The following HYCC1 variants were observed in gnomAD, a reference collection of about 807,000 sequenced individuals.
The protein encoded by HYCC1 is hyccin.
chr7:22,899,885 C>T, the HYCC1 span, among the ~76,000 whole-genome samples: 1 of 151,640 alleles, frequency 6.6e-6, no homozygotes, highest in Non-Finnish European at 1.5e-5. Flanking sequence ...TTATGGTTGT[C>T]TCCTTTACAG....
the HYCC1 span, among the ~76,000 whole-genome samples, chr7:22,923,995 GAA>G: frequency 0.15 from 17,021 of 114,470 alleles, 1,107 homozygotes; most frequent in South Asian, 0.19. Context: ...TGACTTTAAT[GAA>G]AAAAAAAAAA....
At chr7:22,914,848 A>C in the HYCC1 span, among the ~76,000 whole-genome samples, 1 of 151,806 alleles carries the variant, frequency 6.6e-6, no homozygotes, top group Non-Finnish European at 1.5e-5. Context: ...CTACTCTATA[A>C]TCCTTCTATC....
the HYCC1 span, chr7:22,935,830 G>C: frequency 1.3e-5 from 2 of 151,346 alleles, no homozygotes; most frequent in African/African-American, 4.9e-5. Flanking sequence ...TGTATTTTTA[G>C]TAGAGACGGG....
At chr7:22,903,651 G>A in the HYCC1 span, among the ~76,000 whole-genome samples, 6 of 152,252 alleles carry the variant, frequency 3.9e-5, no homozygotes, top group African/African-American at 1.4e-4. Flanking sequence ...AAATAATACT[G>A]ATCTCATGTA....
chr7:22,972,976 T>C, the HYCC1 span, among the ~76,000 whole-genome samples: 371 of 152,330 alleles, frequency 2.4e-3, 1 homozygote, highest in Non-Finnish European at 3.3e-3. Context: ...TGTCACTGAA[T>C]CTAGTTCATC....
At chr7:23,005,746 C>T in the HYCC1 span, among the ~76,000 whole-genome samples, 483 of 152,292 alleles carry the variant, frequency 3.2e-3, 3 homozygotes, top group African/African-American at 0.011. Flanking sequence ...CTTTCTGAAA[C>T]TCTACTTCTT....
chr7:22,945,898 C>T, the HYCC1 span: 1 of 1,613,824 alleles, frequency 6.2e-7, no homozygotes, highest in Non-Finnish European at 8.5e-7. Context: ...AAGAGAGAAG[C>T]TCAAGATTCT....
chr7:22,999,668 T>C, the HYCC1 span, among the ~76,000 whole-genome samples: 1 of 152,200 alleles, frequency 6.6e-6, no homozygotes, highest in Non-Finnish European at 1.5e-5. Flanking sequence ...GGAGGTCGTA[T>C]ATGCAAAAAG....
At chr7:22,953,409 T>C in the HYCC1 span, among the ~76,000 whole-genome samples, 1 of 151,936 alleles carries the variant, frequency 6.6e-6, no homozygotes, top group East Asian at 1.9e-4. Context: ...AAGTCCCCCT[T>C]AGTAAAAATG....
chr7:22,956,885 T>C, the HYCC1 span, among the ~76,000 whole-genome samples: 14 of 151,918 alleles, frequency 9.2e-5, no homozygotes, highest in African/African-American at 2.9e-4. Flanking sequence ...TGGCCAGAGA[T>C]GCGTATTCTG....
At chr7:22,987,313 C>A in the HYCC1 span, among the ~76,000 whole-genome samples, 1 of 152,172 alleles carries the variant, frequency 6.6e-6, no homozygotes, top group African/African-American at 2.4e-5. Context: ...TTTGGGAGGC[C>A]AAGGCAAGCG....
At chr7:22,983,911 A>T in the HYCC1 span, 1 of 1,222,220 alleles carries the variant, frequency 8.2e-7, no homozygotes, top group Non-Finnish European at 1.2e-6. Flanking sequence ...TCAAGTCAAT[A>T]CTGTTAGCAC....
chr7:22,915,339 G>T, the HYCC1 span, among the ~76,000 whole-genome samples: 1 of 152,226 alleles, frequency 6.6e-6, no homozygotes, highest in Non-Finnish European at 1.5e-5. Context: ...AAACGCCTAA[G>T]CCATAGCGGT....
the HYCC1 span, among the ~76,000 whole-genome samples, chr7:22,928,365 G>A: frequency 1.3e-5 from 2 of 152,294 alleles, no homozygotes; most frequent in Admixed American, 1.3e-4. Flanking sequence ...GAAATAAAGG[G>A]CACTCAATTA....
the HYCC1 span, among the ~76,000 whole-genome samples, chr7:22,917,919 A>C: frequency 6.6e-6 from 1 of 152,080 alleles, no homozygotes; most frequent in African/African-American, 2.4e-5. Flanking sequence ...CTCCCCAGCT[A>C]TCTCCACCAC....
the HYCC1 span, chr7:22,940,060 G>A: frequency 6.6e-6 from 1 of 152,014 alleles, no homozygotes; most frequent in Non-Finnish European, 1.5e-5. Flanking sequence ...ATATTGTATA[G>A]GACAAAATAC....
the HYCC1 span, among the ~76,000 whole-genome samples, chr7:22,929,529 C>A: frequency 2.0e-5 from 3 of 152,006 alleles, no homozygotes; most frequent in African/African-American, 7.2e-5. Flanking sequence ...AAAAGTGGGC[C>A]AAGGATATGA....
the HYCC1 span, among the ~76,000 whole-genome samples, chr7:22,962,665 C>T: frequency 3.5e-4 from 53 of 151,818 alleles, no homozygotes; most frequent in Middle Eastern, 3.4e-3. Context: ...TACTGAGAAA[C>T]TCCCATCCCT....
the HYCC1 span, among the ~76,000 whole-genome samples, chr7:22,918,553 T>G: frequency 6.6e-6 from 1 of 152,140 alleles, no homozygotes; most frequent in Non-Finnish European, 1.5e-5. Flanking sequence ...AAGACAGGAA[T>G]GTCAGGCCTC....
Sources: gnomAD v4.1 joint callset for allele counts (sites outside exome capture counted in the v4.1 genomes callset) on GRCh38, gnomAD v4.1.1 for gene constraint, MANE v1.5 for transcripts, NCBI Gene and HGNC (gene_info 2026-07-23, HGNC 2026-07-21) for gene names.